KIF1A: variants seen among roughly 807,000 people sequenced by gnomAD.
KIF1A encodes kinesin family member 1A, also known as kinesin-like protein KIF1A.
In KIF1A, 46 loss-of-function variants were observed where a neutral mutation model predicts 227.3. The observed-to-expected ratio is 0.20, with a 90% CI of 0.16 to 0.26. The LOEUF (loss-of-function observed/expected upper bound fraction) is 0.26. KIF1A is among the 10% of genes least tolerant of loss of function. KIF1A has a pLI of 1.00. For missense variants in KIF1A, 1,683 were observed against 2,485.9 expected (o/e 0.68, Z 6.87); for synonymous variants, 1,022 against 1,012.8 (o/e 1.01, Z -0.17).
chr2:240,819,500 A>G (rs1006014529), intron 1 of KIF1A, among the ~76,000 whole-genome samples: 2 of 151,870 alleles, frequency 1.3e-5, no homozygotes, highest in Admixed American at 1.3e-4. Context: ...GCCAGGCCCC[A>G]ACGCCGCAGC....
At chr2:240,765,279 G>A (rs902831037) in intron 20 of KIF1A, among the ~76,000 whole-genome samples, 13 of 152,134 alleles carry the variant, frequency 8.5e-5, no homozygotes, top group Admixed American at 7.8e-4. Context: ...AACCCCACCC[G>A]GGGTGCTGCA....
chr2:240,755,491 C>T (rs749457787), intron 27 of KIF1A, among the ~76,000 whole-genome samples: 3 of 152,166 alleles, frequency 2.0e-5, no homozygotes, highest in Non-Finnish European at 4.4e-5. Context: ...CCAGCAGCTA[C>T]CAGAAGGTTA....
intron 10 of KIF1A, among the ~76,000 whole-genome samples, chr2:240,780,824 ACAGCTC>A (rs1246485902): frequency 6.2e-4 from 41 of 66,316 alleles, no homozygotes; most frequent in African/African-American, 3.8e-3. Flanking sequence ...ACACACACAC[ACAGCTC>A]CACACACACA....
intron 14 of KIF1A, 182 bp from the exon 15 acceptor site, chr2:240,771,286 A>C (rs1044968695): frequency 9.5e-6 from 7 of 739,818 alleles, no homozygotes; most frequent in African/African-American, 5.4e-5. Flanking sequence ...AAGAAACAGA[A>C]ACCATCAACG....
At chr2:240,748,679 G>A in intron 28 of KIF1A, 1 of 331,248 alleles carries the variant, frequency 3.0e-6, no homozygotes, top group Non-Finnish European at 6.4e-6. Context: ...CAGCAGCAGG[G>A]CTGGGGCCCT....
Position 240,739,314 on chromosome 2 carries a change from G to A in KIF1A, c.3901+744C>T, listed in dbSNP as rs2047694964. On this transcript the variant is annotated intron_variant, in intron 37 of 48. Coordinates refer to ENST00000498729, the MANE Select transcript of KIF1A (RefSeq NM_001244008.2). The surrounding 1 kb of genome is among the most constrained non-coding windows in gnomAD (Gnocchi z 5.6). The stretch of plus-strand genomic sequence containing the variant: ...AAAACTGAGAAGACAAATTCTTTCC[G>A]CTTTAGCAAAGGAAACATTTGGCGG... 1.3e-5 allele frequency among the ~76,000 whole-genome samples: 2 copies of A among 152,222 alleles called. No homozygotes were observed. The highest frequency in any genetic ancestry group is 6.5e-5 in the Admixed American group (1 of 15,290).
At chr2:240,733,933 T>G (rs1233714214) in intron 38 of KIF1A, among the ~76,000 whole-genome samples, 1 of 152,246 alleles carries the variant, frequency 6.6e-6, no homozygotes. Flanking sequence ...GATTAGGGAC[T>G]TGGAGGCCCT....
intron 38 of KIF1A, among the ~76,000 whole-genome samples, chr2:240,732,789 T>G (rs1575539290): frequency 9.2e-5 from 4 of 43,674 alleles, no homozygotes; most frequent in South Asian, 9.3e-4. Context: ...GATGAGGGGA[T>G]AAGGGATGAG....
chr2:240,723,339 T>A, intron 42 of KIF1A, 74 bp downstream of exon 42: 1 of 1,418,922 alleles, frequency 7.0e-7, no homozygotes, highest in Non-Finnish European at 9.4e-7. Context: ...CCCTGGGCCC[T>A]CTCCAGCTTT....
Position 240,722,676 on chromosome 2 carries a change from C to A in KIF1A, c.4465-20G>T. On this transcript the variant is annotated intron_variant, in intron 42 of 48. Transcript: ENST00000498729. Reference sequence around the variant, plus strand: ...CTCCACCTTCAGACAGGACACAAGGCCTTACCTGCTGCACCTCAGGGGTGA... The same window carrying A: ...CTCCACCTTCAGACAGGACACAAGGACTTACCTGCTGCACCTCAGGGGTGA... 6.7e-7 allele frequency: 1 copy of A among 1,486,000 alleles called. No homozygotes were observed. Among genetic ancestry groups the A allele is most frequent in the Non-Finnish European group, 9.0e-7 (1 of 1,112,200 alleles). The allele number at this position is 1,486,000 out of a possible 1,614,324, so 92.1% of individuals were successfully genotyped here. A position where few individuals can be genotyped will look rare whatever the true frequency, so the allele number is the denominator to read the frequency against.
chr2:240,748,112 G>A (rs1318852158), intron 28 of KIF1A, among the ~76,000 whole-genome samples: 2 of 152,226 alleles, frequency 1.3e-5, no homozygotes, highest in African/African-American at 4.8e-5. Flanking sequence ...GAGGCCTGGC[G>A]ACGCAGCCCA....
chr2:240,720,724 G>C (rs755985170), intron 45 of KIF1A, 190 bp downstream of exon 45: 16 of 557,956 alleles, frequency 2.9e-5, no homozygotes, highest in Non-Finnish European at 4.6e-5. Flanking sequence ...GATGGAGCTG[G>C]CGGGGCACAG....
intron 38 of KIF1A, among the ~76,000 whole-genome samples, chr2:240,733,042 G>A (rs558460309): frequency 5.6e-5 from 8 of 143,346 alleles, no homozygotes; most frequent in Admixed American, 2.1e-4. Context: ...GGGGAATGAG[G>A]GGGGGATGAG....
intron 1 of KIF1A, among the ~76,000 whole-genome samples, chr2:240,800,119 C>T (rs995630627): frequency 7.8e-4 from 117 of 150,814 alleles, no homozygotes; most frequent in East Asian, 1.8e-3. Context: ...CACACACACA[C>T]ACACACACAC....
At position 240,744,074 on chromosome 2, in the gene KIF1A, A is replaced by C; in HGVS notation, c.3466-14T>G. 2 of 1,565,082 alleles carry C rather than the reference A, an allele frequency of 1.3e-6. No individual in the cohort carries two copies. The highest frequency in any genetic ancestry group is 1.8e-6 in the Non-Finnish European group (2 of 1,135,526). ...CTCCACTGCGATCTGGTGGGCAGGC[A>C]GGTGGGAGGACAGGAGGGCACGGCC... On this transcript the variant is annotated splice_polypyrimidine_tract_variant and intron_variant, in intron 32 of 48. Coordinates refer to ENST00000498729, the MANE Select transcript of KIF1A (RefSeq NM_001244008.2).
At chr2:240,769,548 G>A in intron 16 of KIF1A, 79 bp downstream of exon 16, 2 of 1,199,912 alleles carry the variant, frequency 1.7e-6, no homozygotes, top group Non-Finnish European at 2.4e-6. Flanking sequence ...GGAGGGCAGG[G>A]CTCAGTGCTC....
In KIF1A at chr2:240,774,282, T is replaced by G. The variant is rs533522629; in HGVS notation, c.959-21A>C. ...ACCGCCTGTGGGAAGAAGACCAGGT[T>G]GTGCCCAGAGGGGGATCTAGGCCCC... On this transcript the variant is annotated intron_variant, in intron 11 of 48. Coordinates refer to ENST00000498729, the MANE Select transcript of KIF1A (RefSeq NM_001244008.2). 59 of 1,579,902 alleles carry G rather than the reference T, an allele frequency of 3.7e-5. No individual in the cohort carries two copies. The East Asian group carries it at 1.3e-3, about 35-fold the overall frequency.
rs55815321 is a variant in KIF1A at position 240,766,749 on chromosome 2, TCACACACACACACACACA to T, written c.1684+148_1684+165del. On this transcript the variant is annotated intron_variant, in intron 19 of 48. Coordinates refer to ENST00000498729, the MANE Select transcript of KIF1A (RefSeq NM_001244008.2). The surrounding 1 kb of genome is among the most constrained non-coding windows in gnomAD (Gnocchi z 5.0). ...CTCTCTCTCTCTCTCTCTCTCTCTC[TCACACACACACACACACA>T]CACACACACACACACACACGTCCTG... 1.8e-5 allele frequency among the ~76,000 whole-genome samples: 2 copies of T among 108,974 alleles called. No homozygotes were observed. Among genetic ancestry groups the T allele is most frequent in the African/African-American group, 4.1e-5 (1 of 24,112 alleles). The allele number at this position is 108,974 out of a possible 152,430, so 71.5% of individuals were successfully genotyped here. A position where few individuals can be genotyped will look rare whatever the true frequency, so the allele number is the denominator to read the frequency against.
At chr2:240,744,086 A>G in intron 32 of KIF1A, 26 bp from the exon 33 acceptor site, 2 of 1,472,610 alleles carry the variant, frequency 1.4e-6, no homozygotes, top group East Asian at 2.3e-5. Context: ...GTGGGAGGAC[A>G]GGAGGGCACG....
Sources: gnomAD v4.1 joint callset for allele counts (sites outside exome capture counted in the v4.1 genomes callset) on GRCh38, gnomAD v4.1.1 for gene constraint, Gnocchi (gnomAD v3.1) non-coding constraint, MANE v1.5 for transcripts, NCBI Gene and HGNC (gene_info 2026-07-23, HGNC 2026-07-21) for gene names.